Variants in SDK1 observed in about 807,000 individuals in gnomAD.
The protein encoded by SDK1 is sidekick cell adhesion molecule 1, also known as protein sidekick-1.
Under a neutral mutation model 245.5 loss-of-function variants are expected in SDK1, and 157 were observed. That is an observed-to-expected ratio of 0.64 (90% CI 0.56 to 0.73). The LOEUF (loss-of-function observed/expected upper bound fraction) is 0.73. Ranked by LOEUF, SDK1 falls within the 30% of genes least tolerant of loss-of-function variation. The pLI is 0.00. For missense variants in SDK1, 3,583 were observed against 3,002.3 expected, an observed-to-expected ratio of 1.19 and a Z score of -4.52; for synonymous variants, 1,647 against 1,278.5, an observed-to-expected ratio of 1.29 and a Z score of -6.15.
At chr7:3,735,343 C>A (rs947190337) in intron 4 of SDK1, among the ~76,000 whole-genome samples, 1 of 152,124 alleles carries the variant, frequency 6.6e-6, no homozygotes, top group African/African-American at 2.4e-5. Flanking sequence ...CCCCACAGCC[C>A]CAGGCAGCCA....
In SDK1 at chr7:4,161,793, A is replaced by G. The variant is rs555579346; in HGVS notation, c.4737A>G (p.Gly1579=). The G allele has an allele frequency of 1.4e-4, 228 of 1,612,942 alleles. No homozygotes were observed. The South Asian group carries it at 2.3e-3, about 16-fold the overall frequency. The change falls in exon 32 of 45, where the codon GGA becomes GGG. Residue 1579 remains glycine, a synonymous_variant. Coordinates refer to ENST00000404826, the MANE Select transcript of SDK1 (RefSeq NM_152744.4). ...EAVTTLQDVP[G]EPPGSVSATP... ...CTCTCCTGTGTGTTTCAGTTCCAGGAGAGCCCCCGGGATCTGTCTCAGCGA... is the reference window on the plus strand; with the variant it reads ...CTCTCCTGTGTGTTTCAGTTCCAGGGGAGCCCCCGGGATCTGTCTCAGCGA...
intron 22 of SDK1, among the ~76,000 whole-genome samples, chr7:4,089,870 G>T (rs923659774): frequency 4.6e-5 from 7 of 152,178 alleles, no homozygotes; most frequent in Admixed American, 2.6e-4. Context: ...AAAAGCCCTC[G>T]GTAACAAAAG....
At chr7:3,561,948 A>G (rs1184379274) in intron 1 of SDK1, among the ~76,000 whole-genome samples, 1 of 152,248 alleles carries the variant, frequency 6.6e-6, no homozygotes, top group East Asian at 1.9e-4. Context: ...TTTCTTGTTA[A>G]AATGGATTGA....
At chr7:3,382,010 T>G (rs1322806088) in intron 1 of SDK1, among the ~76,000 whole-genome samples, 1 of 152,232 alleles carries the variant, frequency 6.6e-6, no homozygotes, top group East Asian at 1.9e-4. Flanking sequence ...TAACTAATAC[T>G]TATTGATGCC....
At chr7:4,062,687 T>C (rs1043570129) in intron 19 of SDK1, among the ~76,000 whole-genome samples, 9 of 152,148 alleles carry the variant, frequency 5.9e-5, no homozygotes, top group African/African-American at 1.9e-4. Context: ...CTGATGAACA[T>C]AGACACAAAA....
chr7:4,248,370 A>C (rs1487051424), intron 44 of SDK1, among the ~76,000 whole-genome samples: 1 of 133,690 alleles, frequency 7.5e-6, no homozygotes, highest in Admixed American at 7.4e-5. Flanking sequence ...ACCTAAATAC[A>C]ACATACACCT....
intron 1 of SDK1, among the ~76,000 whole-genome samples, chr7:3,326,676 A>AT (rs532131178): frequency 1.3e-5 from 2 of 152,094 alleles, no homozygotes; most frequent in South Asian, 4.1e-4. Flanking sequence ...CAATTCATTT[A>AT]TTTTTTATTT....
chr7:3,311,495 C>A (rs1779549377), intron 1 of SDK1, among the ~76,000 whole-genome samples: 1 of 152,036 alleles, frequency 6.6e-6, no homozygotes, highest in Non-Finnish European at 1.5e-5. Flanking sequence ...GGAAAGAGAA[C>A]TATGGAGGCA....
chr7:3,937,170 A>T (rs1780190552), intron 5 of SDK1, among the ~76,000 whole-genome samples: 1 of 151,766 alleles, frequency 6.6e-6, no homozygotes, highest in Non-Finnish European at 1.5e-5. Context: ...GGCCATGCGG[A>T]GGTCTACCCA....
At chr7:4,207,949 T>G in intron 36 of SDK1, 150 bp from the exon 37 acceptor site, 2 of 627,586 alleles carry the variant, frequency 3.2e-6, no homozygotes, top group Non-Finnish European at 2.8e-6. Flanking sequence ...TCTCCCTGAT[T>G]CCTCCAGGAG....
At chr7:3,920,677 A>T (rs568947302) in intron 5 of SDK1, among the ~76,000 whole-genome samples, 217 of 152,250 alleles carry the variant, frequency 1.4e-3, no homozygotes, top group African/African-American at 4.9e-3. Flanking sequence ...GCAGGTGGAG[A>T]TTCGGGAGTG....
intron 1 of SDK1, among the ~76,000 whole-genome samples, chr7:3,377,594 G>T (rs1443849537): frequency 6.6e-6 from 1 of 152,024 alleles, no homozygotes; most frequent in East Asian, 1.9e-4. Flanking sequence ...CTCTGTGTCT[G>T]TTGTAACAGT....
At chr7:3,989,277 C>G (rs1036958549) in intron 14 of SDK1, among the ~76,000 whole-genome samples, 1 of 152,210 alleles carries the variant, frequency 6.6e-6, no homozygotes, top group Admixed American at 6.5e-5. Flanking sequence ...GAGAAGACAG[C>G]TTGTGCAGGA....
At chr7:3,780,294 A>G (rs1054250098) in intron 4 of SDK1, among the ~76,000 whole-genome samples, 2 of 152,286 alleles carry the variant, frequency 1.3e-5, no homozygotes, top group Admixed American at 6.5e-5. Flanking sequence ...TAGTGATGCT[A>G]ACGTTCCAGG....
At chr7:3,738,687 GTCT>G (rs1307695551) in intron 4 of SDK1, among the ~76,000 whole-genome samples, 1 of 152,088 alleles carries the variant, frequency 6.6e-6, no homozygotes, top group Admixed American at 6.5e-5. Flanking sequence ...TTCCATTTGT[GTCT>G]TCTTTTATTT....
intron 4 of SDK1, among the ~76,000 whole-genome samples, chr7:3,711,998 G>T (rs954740482): frequency 1.3e-5 from 2 of 152,196 alleles, no homozygotes; most frequent in Admixed American, 1.3e-4. Context: ...AGTAGGGTTG[G>T]TGTGACAGTT....
intron 1 of SDK1, among the ~76,000 whole-genome samples, chr7:3,477,449 C>T (rs904117794): frequency 1.3e-5 from 2 of 151,170 alleles, no homozygotes; most frequent in Non-Finnish European, 2.9e-5. Context: ...ACTTTGGCCT[C>T]CCAAAGTGTT....
intron 1 of SDK1, among the ~76,000 whole-genome samples, chr7:3,403,859 A>AT (rs72032537): frequency 3.8e-5 from 4 of 104,112 alleles, no homozygotes; most frequent in African/African-American, 1.8e-4. Context: ...ATATATATAT[A>AT]TATATATATA....
intron 1 of SDK1, among the ~76,000 whole-genome samples, chr7:3,393,333 C>G (rs1781810050): frequency 6.6e-6 from 1 of 152,038 alleles, no homozygotes; most frequent in East Asian, 1.9e-4. Context: ...TATGATAATT[C>G]TGTGTTTAGC....
Sources: gnomAD v4.1 joint callset for allele counts (sites outside exome capture counted in the v4.1 genomes callset) on GRCh38, gnomAD v4.1.1 for gene constraint, MANE v1.5 for transcripts, NCBI Gene and HGNC (gene_info 2026-07-23, HGNC 2026-07-21) for gene names.